Variants in HEPACAM2 observed in about 807,000 individuals in gnomAD.
HEPACAM2 encodes the protein mitotic kinetics regulator.
HEPACAM2 carries 49 observed loss-of-function variants against 49.6 expected under a neutral mutation model. That is an observed-to-expected ratio of 0.99 (90% confidence interval 0.78 to 1.25). The LOEUF (loss-of-function observed/expected upper bound fraction) is 1.25. Among genes scored for constraint, HEPACAM2 ranks in the 50% most tolerant of loss-of-function variants. HEPACAM2 has a pLI of 0.00. For synonymous variants in HEPACAM2, 197 were observed against 202.9 expected (o/e 0.97, Z 0.25); for missense variants, 525 against 557.2 (o/e 0.94, Z 0.58).
chr7:93,207,003 C>A (rs793), intron 4 of HEPACAM2, among the ~76,000 whole-genome samples: 37,122 of 151,934 alleles, frequency 0.24, 6,819 homozygotes, highest in East Asian at 0.58. Context: ...TCAGATTCTC[C>A]AGTGCTACCT....
intron 4 of HEPACAM2, among the ~76,000 whole-genome samples, chr7:93,203,845 G>A (rs189356681): frequency 6.6e-6 from 1 of 152,158 alleles, no homozygotes; most frequent in East Asian, 1.9e-4. Context: ...GCTGACTCAT[G>A]TCCCTCCGGA....
chr7:93,217,298 T>A (rs942811842), intron 2 of HEPACAM2, among the ~76,000 whole-genome samples: 2 of 152,216 alleles, frequency 1.3e-5, no homozygotes, highest in Admixed American at 6.5e-5. Flanking sequence ...TAGTCACTGG[T>A]ATTGTGATCA....
upstream of HEPACAM2, among the ~76,000 whole-genome samples, chr7:93,228,301 A>G (rs1398631704): frequency 6.6e-6 from 1 of 152,206 alleles, no homozygotes; most frequent in Non-Finnish European, 1.5e-5. Context: ...GTGATAGTAG[A>G]TGCTACATTA....
rs2116683435 is a variant in HEPACAM2, at chr7:93,208,764, G to A, written c.828C>T (p.Pro276=). ...TCCTAATCCAGGAGTAGGTGTTGGG[G>A]GGATGAGAATCAGCAGAACAATCAA... ...ILFDCSADSH[P]PNTYSWIRRT... is the part of the protein sequence containing the mutation. Residue 276 remains proline, a synonymous_variant, in exon 4 of 10, where the codon CCC becomes CCT. Coordinates refer to ENST00000394468, the MANE Select transcript of HEPACAM2 (RefSeq NM_001039372.4). 2 of 1,613,052 alleles carry A rather than the reference G, an allele frequency of 1.2e-6. No individual in the cohort carries two copies. Among genetic ancestry groups the A allele is most frequent in the Non-Finnish European group, 8.5e-7 (1 of 1,179,418 alleles).
chr7:93,226,576 T>C (rs962905668), upstream of HEPACAM2: 2 of 681,460 alleles, frequency 2.9e-6, no homozygotes, highest in African/African-American at 3.6e-5. Flanking sequence ...AGAATGAATG[T>C]GTATACAAAG....
In HEPACAM2 at chr7:93,218,281, G is replaced by A. The variant is rs550068030; in HGVS notation, c.430+820C>T. The stretch of plus-strand genomic sequence containing the variant: ...CTGAAGGAGGCAGGAATAGAAGCAG[G>A]GAGAGTAGGTGGCAAAGCTATTAGG... On this transcript the variant is annotated intron_variant, in intron 2 of 9. Coordinates refer to ENST00000394468, the MANE Select transcript of HEPACAM2 (RefSeq NM_001039372.4). 3.4e-4 allele frequency among the ~76,000 whole-genome samples: 52 copies of A among 152,234 alleles called. 1 individual carries two copies. The South Asian group carries it at 0.01, about 30-fold the overall frequency.
Position 93,215,437 on chromosome 7 carries a change from C to T in HEPACAM2, c.679G>A (p.Glu227Lys), listed in dbSNP as rs757723703. The T allele has an allele frequency of 3.1e-5, 50 of 1,613,762 alleles. No individual in the cohort carries two copies. The South Asian group carries it at 5.3e-4, about 17-fold the overall frequency. ...YSCLVRNPVS[E>K]MESDIIMPII... ...GGCATAATGATATCACTTTCCATTT[C>T]ACTGACAGGGTTCCTCACCAGGCAG... Residue 227 changes from glutamate to lysine, a missense_variant, in exon 3 of 10, where the codon GAA becomes AAA. Glu to Lys is a moderately conservative substitution (Grantham distance 56). Coordinates refer to ENST00000394468, the MANE Select transcript of HEPACAM2 (RefSeq NM_001039372.4).
chr7:93,212,550 C>A (rs1310287427), intron 3 of HEPACAM2, among the ~76,000 whole-genome samples: 2 of 151,774 alleles, frequency 1.3e-5, no homozygotes, highest in South Asian at 2.1e-4. Context: ...CAGAGAAGCA[C>A]AAAGATGAAA....
rs923525456 is a variant in HEPACAM2 at position 93,189,235 on chromosome 7, T to G, written c.*32A>C. 4 of 1,576,602 alleles carry G rather than the reference T, an allele frequency of 2.5e-6. No individual in the cohort carries two copies. In the African/African-American group the frequency reaches 5.4e-5, roughly 21 times the overall value. ...TTCCTTAAAATGTTTCTTCAGAATT[T>G]CACTCGAATGTACTGTTTAGCCCAT... On this transcript the variant is annotated 3_prime_UTR_variant, in exon 10 of 10. Transcript: ENST00000394468.
chr7:93,192,173 G>A (rs1325794844), intron 9 of HEPACAM2, 81 bp downstream of exon 9: 2 of 920,708 alleles, frequency 2.2e-6, no homozygotes, highest in African/African-American at 3.4e-5. Context: ...TTTCTTCTGT[G>A]CCTTTTAATC....
At chr7:93,189,495 A>T (rs42508) in intron 9 of HEPACAM2, among the ~76,000 whole-genome samples, 129,948 of 151,950 alleles carry the variant, frequency 0.86, 55,682 homozygotes, top group East Asian at 0.98. Context: ...TTAACTTGAA[A>T]GTCCTGTTTT....
At position 93,200,314 on chromosome 7, in the gene HEPACAM2, A is replaced by G. The variant is rs901360744; in HGVS notation, c.1013-2704T>C. 3.3e-5 allele frequency among the ~76,000 whole-genome samples: 5 copies of G among 152,208 alleles called. No individual in the cohort carries two copies. In the East Asian group the frequency reaches 9.7e-4, roughly 29 times the overall value. ...CTAATTTTTATGTACATTATCTTAT[A>G]CCAGTACGGTAAGTCCTCACTTAAC... On this transcript the variant is annotated intron_variant, in intron 4 of 9. Transcript: ENST00000394468.
chr7:93,202,158 G>C (rs1359313508), intron 4 of HEPACAM2, among the ~76,000 whole-genome samples: 1 of 149,964 alleles, frequency 6.7e-6, no homozygotes, highest in Non-Finnish European at 1.5e-5. Flanking sequence ...TATGATTTGG[G>C]CACCACTTTT....
chr7:93,190,244 AT>A (rs972285236), intron 9 of HEPACAM2, among the ~76,000 whole-genome samples: 1 of 152,098 alleles, frequency 6.6e-6, no homozygotes, highest in African/African-American at 2.4e-5. Flanking sequence ...ATAAATCTGA[AT>A]TCAAATAAAA....
chr7:93,216,605 C>T (rs1046478620), intron 2 of HEPACAM2, among the ~76,000 whole-genome samples: 1 of 152,170 alleles, frequency 6.6e-6, no homozygotes, highest in African/African-American at 2.4e-5. Context: ...TTTCTTTAAT[C>T]ATTGAAGTTC....
At position 93,208,605 on chromosome 7, in the gene HEPACAM2, A is replaced by G; in HGVS notation, c.987T>C (p.His329=). The change falls in exon 4 of 10, where the codon CAT becomes CAC. Residue 329 remains histidine, a synonymous_variant. Transcript: ENST00000394468. ...NNITGRQDET[H]FTVIITSVGL... is the part of the protein sequence containing the mutation. ...CTACGGAAGTGATGATAACTGTGAA[A>G]TGAGTTTCATCTTGCCTGCCGGTTA... 1 of 1,612,834 alleles carries G rather than the reference A, an allele frequency of 6.2e-7. No homozygotes were observed. The highest frequency in any genetic ancestry group is 8.5e-7 in the Non-Finnish European group (1 of 1,179,220).
chr7:93,228,804 C>CGT (rs1411123831), upstream of HEPACAM2, among the ~76,000 whole-genome samples: 1 of 151,848 alleles, frequency 6.6e-6, no homozygotes, highest in East Asian at 1.9e-4. Context: ...ATAGAGTATG[C>CGT]GTGTGTGTGT....
intron 1 of HEPACAM2, 126 bp from the exon 2 acceptor site, chr7:93,219,577 C>G (rs542955475): frequency 2.1e-4 from 311 of 1,512,168 alleles, no homozygotes; most frequent in Non-Finnish European, 2.5e-4. Context: ...TAGGTACTGA[C>G]TATTCTAGTA....
rs1423987864 is a variant in HEPACAM2, at chr7:93,226,389, T to C, written c.58A>G (p.Lys20Glu). The change falls in exon 1 of 10, where the codon AAA becomes GAA. Residue 20 changes from lysine (K) to glutamate (E), a missense_variant. Transcript: ENST00000394468. ...FGDTLGVFQC[K>E]IYLLLFGACS... ...TTACCGAAGAGAAGGAGGTATATTT[T>C]GCACTGAAAGACCCCAAGTGTGTCA... The C allele has an allele frequency of 6.2e-7, 1 of 1,613,062 alleles. No individual in the cohort carries two copies. Among genetic ancestry groups the C allele is most frequent in the South Asian group, 1.1e-5 (1 of 91,042 alleles).
Sources: gnomAD v4.1 joint callset for allele counts (sites outside exome capture counted in the v4.1 genomes callset) on GRCh38, gnomAD v4.1.1 for gene constraint, MANE v1.5 for transcripts, NCBI Gene and HGNC (gene_info 2026-07-23, HGNC 2026-07-21) for gene names.